The following GALK1 variants were observed in gnomAD, a reference collection of about 807,000 sequenced individuals.
GALK1 encodes the protein galactokinase 1.
Under a neutral mutation model 38.6 loss-of-function variants are expected in GALK1, and 30 were observed. That is an observed-to-expected ratio of 0.78 (90% CI 0.58 to 1.05). GALK1 has a LOEUF of 1.05. Ranked by LOEUF, GALK1 falls within the 50% of genes least tolerant of loss-of-function variation. The pLI, the probability that GALK1 is intolerant of heterozygous loss-of-function variation, is 0.00. For missense variants in GALK1, 512 were observed against 540.5 expected (o/e 0.95, Z 0.52); for synonymous variants, 240 against 233.6 (o/e 1.03, Z -0.25).
downstream of GALK1, chr17:75,755,783 C>T: frequency 6.2e-7 from 1 of 1,612,240 alleles, no homozygotes; most frequent in Non-Finnish European, 8.5e-7. Context: ...TCAGAGTGAG[C>T]TGGCAGGAGC....
intron 8 of GALK1, chr17:75,752,092 A>G: frequency 6.9e-7 from 1 of 1,453,990 alleles, no homozygotes. Flanking sequence ...CAGGGGATGC[A>G]CGGCCGTCCT....
At chr17:75,763,538 G>T in intron 2 of GALK1, 99 bp from the exon 3 acceptor site, 1 of 1,321,456 alleles carries the variant, frequency 7.6e-7, no homozygotes, top group Non-Finnish European at 1.1e-6. Flanking sequence ...CGGCCTAGCA[G>T]CTGTTTCTAG....
chr17:75,753,683 G>C (rs2061419956), downstream of GALK1: 3 of 959,092 alleles, frequency 3.1e-6, no homozygotes, highest in Middle Eastern at 3.7e-4. Flanking sequence ...TCCCCTCGCA[G>C]AGCCTACGGC....
chr17:75,762,969 G>T (rs778755807), intron 4 of GALK1, 45 bp downstream of exon 4: 43 of 1,611,740 alleles, frequency 2.7e-5, no homozygotes, highest in Non-Finnish European at 3.4e-5. Context: ...CCACCCAGGA[G>T]CTGCTGAGTG....
At chr17:75,753,750 T>C, downstream of GALK1, 1 of 1,413,678 alleles carries the variant, frequency 7.1e-7, no homozygotes, top group South Asian at 1.6e-5. Context: ...AACGCGGCCC[T>C]TCGTTGTTCC....
At chr17:75,756,482 G>A (rs753691681), downstream of GALK1, 1 of 1,613,366 alleles carries the variant, frequency 6.2e-7, no homozygotes, top group Non-Finnish European at 8.5e-7. Context: ...GGTGGTGGTG[G>A]AAGACCTCCT....
Position 75,752,325 on chromosome 17 carries a change from C to T in GALK1, c.*23-588G>A, listed in dbSNP as rs751864733. 2.1e-5 allele frequency: 34 copies of T among 1,612,746 alleles called. No homozygotes were observed. Among genetic ancestry groups the T allele is most frequent in the Non-Finnish European group, 2.7e-5 (32 of 1,179,838 alleles). The stretch of plus-strand genomic sequence containing the variant: ...GGCCTGAGCGGGAGGCCATCATCAA[C>T]CTGGCCACCCAGCCCAAGAGGCCCA... On this transcript the variant is annotated intron_variant, in intron 8 of 8. Coordinates refer to the GALK1 transcript ENST00000225614.
intron 1 of GALK1, chr17:75,764,452 A>G (rs1345380025): frequency 1.8e-6 from 1 of 562,986 alleles, no homozygotes; most frequent in Non-Finnish European, 3.4e-6. Context: ...ATGGGGCGGA[A>G]AGCGCCCCCC....
chr17:75,757,430 G>A, downstream of GALK1: 4 of 1,613,188 alleles, frequency 2.5e-6, no homozygotes, highest in Non-Finnish European at 1.7e-6. Flanking sequence ...GCTGACCCTG[G>A]GGGCCCAGCA....
chr17:75,761,224 T>A (rs2061586002), intron 5 of GALK1, among the ~76,000 whole-genome samples: 1 of 150,690 alleles, frequency 6.6e-6, no homozygotes, highest in Non-Finnish European at 1.5e-5. Flanking sequence ...AAATAAATAA[T>A]AAAAAAGATA....
rs1323337681 is a variant in GALK1, at chr17:75,763,389, C to G, written c.406G>C (p.Gly136Arg). 5 of 1,612,956 alleles carry G rather than the reference C, an allele frequency of 3.1e-6. No individual in the cohort carries two copies. The highest frequency in any genetic ancestry group is 8.5e-7 in the Non-Finnish European group (1 of 1,179,696). The change falls in exon 3 of 8, where the codon GGG (glycine) becomes CGG (arginine). Residue 136 changes from glycine to arginine, a missense_variant. Physicochemically the swap from Gly to Arg is moderately radical, Grantham distance 125. Transcript: ENST00000588479. ...SAVVVSSVPLGGGLSSSASLE... is the reference protein window; with the variant it reads ...SAVVVSSVPLRGGLSSSASLE... ...GATGCTGAGCTGGACAGGCCACCCC[C>G]CAGGGGCACTGAGCTGACCACCACT...
At chr17:75,764,877 C>T in intron 1 of GALK1, 95 bp downstream of exon 1, 1 of 1,383,354 alleles carries the variant, frequency 7.2e-7, no homozygotes, top group Non-Finnish European at 1.0e-6. Context: ...ACATCTCCCG[C>T]GGGAAGAACT....
intron 1 of GALK1, 30 bp from the exon 2 acceptor site, chr17:75,764,116 C>A: frequency 6.5e-7 from 1 of 1,549,984 alleles, no homozygotes. Flanking sequence ...GTACGTGAGG[C>A]TTCCGCCAGC....
intron 8 of GALK1, chr17:75,752,056 T>C: frequency 8.8e-7 from 1 of 1,141,266 alleles, no homozygotes; most frequent in Non-Finnish European, 1.3e-6. Flanking sequence ...GGCTTTGCCT[T>C]GCTTCCCCAG....
At chr17:75,764,631 T>C in intron 1 of GALK1, 1 of 474,680 alleles carries the variant, frequency 2.1e-6, no homozygotes, top group Non-Finnish European at 4.0e-6. Flanking sequence ...GGCCCCACGG[T>C]GGCCGGAGGC....
chr17:75,755,846 C>A (rs745944120), downstream of GALK1: 1 of 1,603,528 alleles, frequency 6.2e-7, no homozygotes, highest in African/African-American at 1.3e-5. Flanking sequence ...AGCTGCTGAA[C>A]GGCGGTGAGG....
In GALK1 at chr17:75,758,289, A is replaced by T; in HGVS notation, c.1028T>A (p.Met343Lys). The change falls in exon 7 of 8, where the codon ATG becomes AAG. Residue 343 changes from methionine (M) to lysine (K), a missense_variant. Met to Lys is a moderately conservative substitution (Grantham distance 95). Coordinates refer to ENST00000588479, the MANE Select transcript of GALK1 (RefSeq NM_000154.2). ...LAVPGVYGSR[M>K]TGGGFGGCTV... The stretch of plus-strand genomic sequence containing the variant: ...GCAGCCACCGAAGCCACCGCCCGTC[A>T]TGCGGCTGCCATAAACCCCAGGCAC... 9.4e-6 allele frequency: 15 copies of T among 1,591,354 alleles called. No individual in the cohort carries two copies. Among genetic ancestry groups the T allele is most frequent in the African/African-American group, 1.3e-5 (1 of 74,712 alleles).
At chr17:75,754,747 G>A (rs1441441082), downstream of GALK1, 7 of 1,612,412 alleles carry the variant, frequency 4.3e-6, no homozygotes, top group South Asian at 1.1e-5. Flanking sequence ...TCACTGACCC[G>A]CTCAGAACAC....
chr17:75,754,961 C>CACAT (rs3988219), downstream of GALK1: 1,187,302 of 1,530,340 alleles, frequency 0.78, 464,983 homozygotes, highest in Non-Finnish European at 0.81. Flanking sequence ...CACGTGCACA[C>CACAT]GCATGCACAC....
Sources: gnomAD v4.1 joint callset for allele counts (sites outside exome capture counted in the v4.1 genomes callset) on GRCh38, gnomAD v4.1.1 for gene constraint, MANE v1.5 for transcripts, NCBI Gene and HGNC (gene_info 2026-07-23, HGNC 2026-07-21) for gene names.